Variants in SOCS2 observed in about 807,000 individuals in gnomAD.
SOCS2 encodes CIS-2.
In SOCS2, 10 loss-of-function variants were observed where a neutral mutation model predicts 18.6. The observed-to-expected ratio is 0.54, with a 90% CI of 0.33 to 0.91. SOCS2 has a LOEUF of 0.91. Ranked by LOEUF, SOCS2 falls within the 40% of genes least tolerant of loss-of-function variation. The pLI, the probability that SOCS2 is intolerant of heterozygous loss-of-function variation, is 0.02. For synonymous variants in SOCS2, 104 were observed against 104.0 expected (o/e 1.00, Z 0.00); for missense variants, 231 against 247.2 (o/e 0.93, Z 0.44).
Position 93,576,104 on chromosome 12 carries a change from C to T in SOCS2, c.*925C>T, listed in dbSNP as rs1954453500. 6.6e-6 allele frequency: 1 copy of T among 152,630 alleles called. No individual in the cohort carries two copies. The highest frequency in any genetic ancestry group is 1.5e-5 in the Non-Finnish European group (1 of 68,034). The allele number at this position is 152,630 out of a possible 1,614,324, so 9.5% of individuals were successfully genotyped here. ...GTGTAGAATACTTTGACTTAATTTTCTTCCAGATACAGGGGGATACCTGCC... is the reference window on the plus strand; with the variant it reads ...GTGTAGAATACTTTGACTTAATTTTTTTCCAGATACAGGGGGATACCTGCC... On this transcript the variant is annotated 3_prime_UTR_variant, in exon 2 of 2. Coordinates refer to ENST00000551556, the MANE Select transcript of SOCS2 (RefSeq NM_001270471.2).
At chr12:93,611,190 T>C in the SOCS2 span, among the ~76,000 whole-genome samples, 1 of 152,166 alleles carries the variant, frequency 6.6e-6, no homozygotes, top group Non-Finnish European at 1.5e-5. Flanking sequence ...TGAGCAAATT[T>C]TGCTTACATA....
In SOCS2 at chr12:93,572,946, C is replaced by T. The variant is rs765879875; in HGVS notation, c.49C>T (p.Arg17Trp). Reference protein sequence around the residue: ...EPSGNGGEGTRSQWGTAGSAE... With the variant: ...EPSGNGGEGTWSQWGTAGSAE... ...CTCCGGGAATGGCGGGGAAGGGACG[C>T]GGAGCCAGTGGGGGACCGCGGGGTC... Residue 17 changes from arginine (R) to tryptophan (W), a missense_variant, in exon 1 of 2, where the codon CGG (arginine) becomes TGG (tryptophan). Arg to Trp is a moderately radical substitution (Grantham distance 101). Transcript: ENST00000551556. The surrounding 1 kb of genome is among the most constrained non-coding windows in gnomAD (Gnocchi z 5.0). 67 of 1,569,184 alleles carry T rather than the reference C, an allele frequency of 4.3e-5. No individual in the cohort carries two copies. Among genetic ancestry groups the T allele is most frequent in the Non-Finnish European group, 5.8e-5 (67 of 1,156,750 alleles).
chr12:93,590,649 C>T, the SOCS2 span, among the ~76,000 whole-genome samples: 1 of 151,108 alleles, frequency 6.6e-6, no homozygotes, highest in Non-Finnish European at 1.5e-5. Context: ...CAAAAATTAG[C>T]TGGGCGTGGT....
the SOCS2 span, among the ~76,000 whole-genome samples, chr12:93,595,637 C>A: frequency 1.3e-5 from 2 of 152,132 alleles, no homozygotes; most frequent in Non-Finnish European, 2.9e-5. Flanking sequence ...AAAAGACGTG[C>A]TCTCCTTTTT....
Position 93,573,047 on chromosome 12 carries a change from G to T in SOCS2, c.139+11G>T, listed in dbSNP as rs1294012374. ...AGCTCGGTCAGACAGGTAGGGAGCC[G>T]ATCGGCCGCGACGCGTGCGGGAGGG... On this transcript the variant is annotated intron_variant, in intron 1 of 1. Transcript: ENST00000551556. 1 of 1,558,154 alleles carries T rather than the reference G, an allele frequency of 6.4e-7. No homozygotes were observed. Among genetic ancestry groups the T allele is most frequent in the Admixed American group, 1.9e-5 (1 of 52,980 alleles).
the SOCS2 span, among the ~76,000 whole-genome samples, chr12:93,608,658 A>C: frequency 6.6e-6 from 1 of 152,218 alleles, no homozygotes; most frequent in Non-Finnish European, 1.5e-5. Context: ...TGAACTATGT[A>C]AGTATTAGCA....
At chr12:93,583,461 A>G (rs563202841) in exon 2 of SOCS2, 2 of 152,332 alleles carry the variant, frequency 1.3e-5, no homozygotes, top group Non-Finnish European at 2.9e-5. Flanking sequence ...ATTCTTTGGT[A>G]AAATTAAAAG....
At chr12:93,586,833 CTTG>C (rs1555208366), downstream of SOCS2, among the ~76,000 whole-genome samples, 2 of 152,130 alleles carry the variant, frequency 1.3e-5, no homozygotes, top group Non-Finnish European at 2.9e-5. Context: ...TGAGCATCTA[CTTG>C]TTGTAGTCAT....
At chr12:93,604,500 A>T in the SOCS2 span, among the ~76,000 whole-genome samples, 4 of 152,198 alleles carry the variant, frequency 2.6e-5, no homozygotes, top group Non-Finnish European at 4.4e-5. Context: ...AGGCACAGTT[A>T]TGCCTGCCAA....
At chr12:93,606,197 GC>G in the SOCS2 span, among the ~76,000 whole-genome samples, 1 of 152,120 alleles carries the variant, frequency 6.6e-6, no homozygotes, top group Non-Finnish European at 1.5e-5. Context: ...AGTGCATCTG[GC>G]TGCAAGGAAA....
At chr12:93,622,225 T>C in the SOCS2 span, among the ~76,000 whole-genome samples, 13 of 152,338 alleles carry the variant, frequency 8.5e-5, no homozygotes, top group Non-Finnish European at 1.8e-4. Flanking sequence ...AGATAAGGAA[T>C]GCACCTTGGT....
the SOCS2 span, among the ~76,000 whole-genome samples, chr12:93,608,295 T>A: frequency 0.015 from 2,310 of 152,234 alleles, 71 homozygotes; most frequent in African/African-American, 0.053. Context: ...ACCACCATAC[T>A]TGGCAATGTT....
At chr12:93,595,907 A>T in the SOCS2 span, among the ~76,000 whole-genome samples, 1 of 150,636 alleles carries the variant, frequency 6.6e-6, no homozygotes, top group Non-Finnish European at 1.5e-5. Context: ...TTTGTTTTTA[A>T]TTTTTTTTTA....
At chr12:93,586,727 A>G (rs74957550), downstream of SOCS2, among the ~76,000 whole-genome samples, 5 of 152,040 alleles carry the variant, frequency 3.3e-5, no homozygotes, top group Admixed American at 2.6e-4. Flanking sequence ...GAAACTTTGC[A>G]TTATCTTTAA....
At chr12:93,614,585 T>C in the SOCS2 span, among the ~76,000 whole-genome samples, 2 of 101,726 alleles carry the variant, frequency 2.0e-5, no homozygotes, top group East Asian at 2.5e-4. Context: ...CTTTCTTTCT[T>C]TCTTTCTTTC....
the SOCS2 span, among the ~76,000 whole-genome samples, chr12:93,616,316 G>A: frequency 6.6e-6 from 1 of 152,212 alleles, no homozygotes; most frequent in African/African-American, 2.4e-5. Context: ...AGACAGCCAA[G>A]GGAAGCAGTA....
At chr12:93,597,099 A>G in the SOCS2 span, among the ~76,000 whole-genome samples, 2 of 152,198 alleles carry the variant, frequency 1.3e-5, no homozygotes, top group Non-Finnish European at 2.9e-5. Context: ...GGTTGGCTAC[A>G]TCTTTTGTAA....
At chr12:93,625,745 CA>C in the SOCS2 span, among the ~76,000 whole-genome samples, 15,756 of 62,426 alleles carry the variant, frequency 0.25, 972 homozygotes, top group East Asian at 0.43. Context: ...GAGACCATCT[CA>C]AAAAAAAAAA....
At chr12:93,576,960 G>C (rs958251066), downstream of SOCS2, among the ~76,000 whole-genome samples, 2 of 152,172 alleles carry the variant, frequency 1.3e-5, no homozygotes, top group African/African-American at 4.8e-5. Context: ...CTTAGAATCT[G>C]TGCTTCATTC....
Sources: gnomAD v4.1 joint callset for allele counts (sites outside exome capture counted in the v4.1 genomes callset) on GRCh38, gnomAD v4.1.1 for gene constraint, Gnocchi (gnomAD v3.1) non-coding constraint, MANE v1.5 for transcripts, NCBI Gene and HGNC (gene_info 2026-07-23, HGNC 2026-07-21) for gene names.